FLNA: variants seen among roughly 807,000 people sequenced by gnomAD.
FLNA encodes filamin A.
Under a neutral mutation model 157.6 loss-of-function variants are expected in FLNA, and 7 were observed. The ratio of observed to expected loss-of-function variants is 0.04; its 90% CI spans 0.03 to 0.08. FLNA has a LOEUF of 0.08. Among genes scored for constraint, FLNA ranks in the 10% least tolerant of loss-of-function variants. FLNA has a pLI of 1.00. For synonymous variants in FLNA, 1,103 were observed against 1,060.8 expected, an observed-to-expected ratio of 1.04 and a Z score of -0.77; for missense variants, 1,750 against 2,398.4, an observed-to-expected ratio of 0.73 and a Z score of 5.65.
At chrX:154,365,544 C>T in intron 9 of FLNA, 58 bp from the exon 10 acceptor site, 3 of 1,181,037 alleles carry the variant, frequency 2.5e-6, no homozygotes, top group Non-Finnish European at 3.4e-6. Context: ...CCCTCCCTTG[C>T]CTCCCACAGG....
intron 30 of FLNA, among the ~76,000 whole-genome samples, chrX:154,355,990 C>T (rs1318139334): frequency 8.9e-6 from 1 of 112,561 alleles, no homozygotes; most frequent in African/African-American, 3.2e-5. Flanking sequence ...GTCCCACTAT[C>T]GGCCGAGGGC....
chrX:154,352,212 A>G lies in FLNA; in HGVS notation c.6738T>C (p.Pro2246=), dbSNP rs782352190. The G allele has an allele frequency of 1.6e-5, 19 of 1,209,609 alleles. No individual in the cohort carries two copies. The highest frequency in any genetic ancestry group is 2.1e-5 in the Non-Finnish European group (19 of 895,067). The change falls in exon 41 of 48, where the codon CCT becomes CCC. Residue 2246 remains proline, a synonymous_variant. Coordinates refer to ENST00000369850, the MANE Select transcript of FLNA (RefSeq NM_001110556.2). ...GGAHKVRAGG[P]GLERAEAGVP... is the part of the protein sequence containing the mutation. ...CTCCAGCTTCAGCTCTCTCCAGGCC[A>G]GGGCCCCCAGCTCGGACCTTGTGGG... is the stretch of plus-strand genomic sequence containing the variant.
At chrX:154,365,102 G>T in intron 11 of FLNA, 34 bp downstream of exon 11, 2 of 1,210,866 alleles carry the variant, frequency 1.7e-6, no homozygotes, top group Admixed American at 4.3e-5. Context: ...GGCAGAGTGT[G>T]CAGAGCTGGG....
intron 44 of FLNA, chrX:154,350,643 G>A (rs1195987644): frequency 2.0e-5 from 8 of 398,517 alleles, no homozygotes; most frequent in African/African-American, 1.8e-4. Context: ...GTGGCTGAAG[G>A]GCCGGGCAGC....
chrX:154,363,914 G>A (rs782376680), intron 15 of FLNA, 108 bp downstream of exon 15: 542 of 865,162 alleles, frequency 6.3e-4, no homozygotes, highest in Non-Finnish European at 8.7e-4. Flanking sequence ...ACCAGGAGCT[G>A]TGGGACAGGG....
At chrX:154,363,142 C>T (rs1426564797) in intron 15 of FLNA, among the ~76,000 whole-genome samples, 5 of 112,437 alleles carry the variant, frequency 4.4e-5, no homozygotes, top group Middle Eastern at 4.6e-3. Flanking sequence ...AGCGGCCGGA[C>T]GTGGTGGCTC....
At chrX:154,367,054 A>C (rs1557179474) in intron 5 of FLNA, among the ~76,000 whole-genome samples, 1 of 111,888 alleles carries the variant, frequency 8.9e-6, no homozygotes, top group African/African-American at 3.3e-5. Context: ...GTTTTCTGGA[A>C]CATTCATTCT....
intron 5 of FLNA, among the ~76,000 whole-genome samples, chrX:154,367,187 G>A (rs782502633): frequency 3.6e-5 from 4 of 112,178 alleles, no homozygotes; most frequent in African/African-American, 6.5e-5. Flanking sequence ...AGGACCCCAC[G>A]CAGCAGGCTT....
In FLNA at chrX:154,357,618, G is replaced by A. The variant is rs1285328823; in HGVS notation, c.4761C>T (p.Pro1587=). 7.4e-6 allele frequency: 9 copies of A among 1,209,744 alleles called. No homozygotes were observed. The highest frequency in any genetic ancestry group is 3.0e-5 in the East Asian group (1 of 33,741). ...TGTGTGTCTTCTTCGGCTTGCCTTCGGGATCCTGTGTGGCAGAGGCAGGGG... is the reference window on the plus strand; with the variant it reads ...TGTGTGTCTTCTTCGGCTTGCCTTCAGGATCCTGTGTGGCAGAGGCAGGGG... The part of the protein sequence containing the change: ...EGLLAVQITD[P]EGKPKKTHIQ... The change falls in exon 29 of 48, where the codon CCC becomes CCT. Residue 1587 remains proline (P), a synonymous_variant. Transcript: ENST00000369850.
intron 30 of FLNA, among the ~76,000 whole-genome samples, chrX:154,356,720 G>A (rs1557176901): frequency 8.9e-6 from 1 of 112,451 alleles, no homozygotes; most frequent in East Asian, 2.8e-4. Flanking sequence ...GCCGGGCCCC[G>A]CCATGCTGGC....
chrX:154,367,339 C>T, intron 5 of FLNA, 58 bp downstream of exon 5: 1 of 1,175,049 alleles, frequency 8.5e-7, no homozygotes, highest in Middle Eastern at 2.3e-4. Context: ...TTAGATGGGA[C>T]ACTGTCTTAT....
chrX:154,364,432 A>T, intron 13 of FLNA, 60 bp from the exon 14 acceptor site: 1 of 1,184,548 alleles, frequency 8.4e-7, no homozygotes, highest in Non-Finnish European at 1.1e-6. Context: ...GCTACAACCC[A>T]GGCAGGGTGG....
At position 154,354,229 on chromosome X, in the gene FLNA, T is replaced by C. The variant is rs782286010; in HGVS notation, c.5479A>G (p.Thr1827Ala). 1 of 1,211,606 alleles carries C rather than the reference T, an allele frequency of 8.3e-7. No individual in the cohort carries two copies. The highest frequency in any genetic ancestry group is 3.0e-5 in the East Asian group (1 of 33,859). Residue 1827 changes from threonine to alanine, a missense_variant, in exon 34 of 48, where the codon ACC (threonine) becomes GCC (alanine). Thr to Ala is a moderately conservative substitution (Grantham distance 58, BLOSUM62 0). Transcript: ENST00000369850. ...QPTITDNKDG[T>A]VTVRYAPSEA... ...CTGGGTGCATACCGCACGGTCACGG[T>C]GCCGTCTTTGTTGTCAGTGATGGTG...
chrX:154,361,890 G>T (rs1557178112), intron 19 of FLNA, 89 bp downstream of exon 19: 2 of 1,119,676 alleles, frequency 1.8e-6, no homozygotes, highest in Admixed American at 2.2e-5. Context: ...TAAGGAATGA[G>T]AGTGGGCAGA....
intron 15 of FLNA, 111 bp downstream of exon 15, chrX:154,363,911 G>A: frequency 1.2e-6 from 1 of 827,387 alleles, no homozygotes; most frequent in South Asian, 2.1e-5. Context: ...GTCACCAGGA[G>A]CTGTGGGACA....
At chrX:154,350,275 G>A (rs781835405) in intron 44 of FLNA, 68 bp from the exon 45 acceptor site, 36 of 1,026,369 alleles carry the variant, frequency 3.5e-5, no homozygotes, top group Non-Finnish European at 1.4e-5. Flanking sequence ...TGTCTGTGAG[G>A]AACAGCCTCA....
At chrX:154,352,143 C>T (rs1557175920) in intron 41 of FLNA, 38 bp downstream of exon 41, 5 of 1,208,382 alleles carry the variant, frequency 4.1e-6, no homozygotes, top group African/African-American at 1.7e-5. Flanking sequence ...CCCTGGCCAA[C>T]GCAGGAGAGC....
chrX:154,362,894 G>T, intron 15 of FLNA, 110 bp from the exon 16 acceptor site: 1 of 882,377 alleles, frequency 1.1e-6, no homozygotes, highest in Non-Finnish European at 1.6e-6. Flanking sequence ...CTTGGGAAGA[G>T]TCTGGCAGTT....
In FLNA at chrX:154,349,572, G is replaced by A; in HGVS notation, c.7553-7C>T. ...TTGCTGACGAGACGGGGGCCTGCAA[G>A]GCAGAGTGGGTGGGGCTAAGAGGTG... On this transcript the variant is annotated splice_region_variant and splice_polypyrimidine_tract_variant and intron_variant, in intron 46 of 47. Coordinates refer to ENST00000369850, the MANE Select transcript of FLNA (RefSeq NM_001110556.2). 1.7e-6 allele frequency: 2 copies of A among 1,211,762 alleles called. No homozygotes were observed. Among genetic ancestry groups the A allele is most frequent in the Non-Finnish European group, 2.2e-6 (2 of 894,952 alleles).
Sources: gnomAD v4.1 joint callset for allele counts (sites outside exome capture counted in the v4.1 genomes callset) on GRCh38, gnomAD v4.1.1 for gene constraint, MANE v1.5 for transcripts, NCBI Gene and HGNC (gene_info 2026-07-23, HGNC 2026-07-21) for gene names.